GRIK1: variants seen among roughly 807,000 people sequenced by gnomAD.
GRIK1 encodes the protein glutamate ionotropic receptor kainate type subunit 1, also known as glutamate receptor ionotropic, kainate 1.
Under a neutral mutation model 105.7 loss-of-function variants are expected in GRIK1, and 69 were observed. The ratio of observed to expected loss-of-function variants is 0.65; its 90% CI spans 0.54 to 0.80. The LOEUF is 0.80. Among genes scored for constraint, GRIK1 ranks in the 30% least tolerant of loss-of-function variants. GRIK1 has a pLI of 0.00. For missense variants in GRIK1, 1,109 were observed against 1,167.3 expected (o/e 0.95, Z 0.73); for synonymous variants, 438 against 431.3 (o/e 1.02, Z -0.19).
At chr21:29,671,331 G>T (rs956773756) in intron 4 of GRIK1, among the ~76,000 whole-genome samples, 1 of 151,544 alleles carries the variant, frequency 6.6e-6, no homozygotes, top group Non-Finnish European at 1.5e-5. Context: ...CACCATGTTG[G>T]CCAGGCTGGT....
At chr21:29,723,181 T>G (rs1169381969) in intron 1 of GRIK1, among the ~76,000 whole-genome samples, 2 of 152,208 alleles carry the variant, frequency 1.3e-5, no homozygotes, top group Non-Finnish European at 2.9e-5. Context: ...CTAAAATTTA[T>G]AGTTTGGAAA....
At chr21:29,734,646 C>T (rs75205840) in intron 1 of GRIK1, among the ~76,000 whole-genome samples, 1 of 151,896 alleles carries the variant, frequency 6.6e-6, no homozygotes, top group Non-Finnish European at 1.5e-5. Context: ...AGATCCACCC[C>T]CCTGGGCCTC....
chr21:29,869,373 CT>C (rs1302715297), intron 1 of GRIK1, among the ~76,000 whole-genome samples: 1 of 152,204 alleles, frequency 6.6e-6, no homozygotes, highest in African/African-American at 2.4e-5. Flanking sequence ...GATCTCATTT[CT>C]CCCCTTTATT....
chr21:29,687,765 T>A (rs1287048811), intron 3 of GRIK1, among the ~76,000 whole-genome samples: 1 of 152,264 alleles, frequency 6.6e-6, no homozygotes, highest in East Asian at 1.9e-4. Context: ...AAGTTTTCTG[T>A]CATTTACTTA....
chr21:29,667,065 T>C lies in GRIK1; in HGVS notation c.726+5918A>G, dbSNP rs145710226. ...CATACGGTACGTGTTCAGTATAAAATGGCCCCTGAGGTCTTCGGCCTTTTC... is the reference window on the plus strand; with the variant it reads ...CATACGGTACGTGTTCAGTATAAAACGGCCCCTGAGGTCTTCGGCCTTTTC... On this transcript the variant is annotated intron_variant, in intron 4 of 17. Transcript: ENST00000327783. Among the ~76,000 whole-genome samples, 603 of 152,354 alleles carry C rather than the reference T, an allele frequency of 4.0e-3. 4 individuals are homozygous for C. Among genetic ancestry groups the C allele is most frequent in the Non-Finnish European group, 6.5e-3 (440 of 68,038 alleles).
chr21:29,800,283 G>A (rs2066668472), intron 1 of GRIK1, among the ~76,000 whole-genome samples: 1 of 152,140 alleles, frequency 6.6e-6, no homozygotes, highest in African/African-American at 2.4e-5. Flanking sequence ...ATGTGTCAGG[G>A]CTTATCTCTG....
intron 16 of GRIK1, chr21:29,553,189 G>T (rs2090165419): frequency 1.0e-6 from 1 of 984,046 alleles, no homozygotes; most frequent in Non-Finnish European, 1.2e-6. Context: ...ATGAAAAGAA[G>T]TCCATAGAAT....
chr21:29,689,631 T>C (rs2063547243), intron 3 of GRIK1, 97 bp downstream of exon 3: 3 of 1,036,276 alleles, frequency 2.9e-6, no homozygotes, highest in Non-Finnish European at 4.4e-6. Context: ...AAGAGCATTT[T>C]TATGCTCCAT....
chr21:29,671,609 C>A (rs1386410857), intron 4 of GRIK1, among the ~76,000 whole-genome samples: 1 of 152,080 alleles, frequency 6.6e-6, no homozygotes, highest in African/African-American at 2.4e-5. Flanking sequence ...ATTCAAAATT[C>A]CACAGTTCTG....
At chr21:29,743,860 G>C (rs945365048) in intron 1 of GRIK1, among the ~76,000 whole-genome samples, 1 of 152,158 alleles carries the variant, frequency 6.6e-6, no homozygotes, top group Non-Finnish European at 1.5e-5. Flanking sequence ...TTTGGCCAGT[G>C]TTAGAATTGG....
intron 7 of GRIK1, among the ~76,000 whole-genome samples, chr21:29,637,982 C>T (rs1185780698): frequency 6.6e-6 from 1 of 152,162 alleles, no homozygotes; most frequent in Non-Finnish European, 1.5e-5. Flanking sequence ...TTGCAAACAA[C>T]TGCTACTTTA....
chr21:29,542,256 G>A (rs890884205), intron 16 of GRIK1, among the ~76,000 whole-genome samples: 6 of 152,010 alleles, frequency 3.9e-5, no homozygotes, highest in Non-Finnish European at 7.4e-5. Flanking sequence ...TTCATATTCT[G>A]TCTTCTTTGC....
intron 7 of GRIK1, among the ~76,000 whole-genome samples, chr21:29,600,101 A>G (rs1290464200): frequency 6.6e-6 from 1 of 152,080 alleles, no homozygotes. Context: ...AAACAAAAAC[A>G]AAAAAACTCC....
intron 1 of GRIK1, among the ~76,000 whole-genome samples, chr21:29,787,230 T>C (rs1786386994): frequency 6.6e-6 from 1 of 152,240 alleles, no homozygotes; most frequent in African/African-American, 2.4e-5. Context: ...GGACTTAGTG[T>C]TAGAATGCCA....
chr21:29,621,769 A>G (rs186196340), intron 7 of GRIK1, among the ~76,000 whole-genome samples: 3 of 152,266 alleles, frequency 2.0e-5, no homozygotes, highest in Admixed American at 2.0e-4. Flanking sequence ...TAATTTCAGA[A>G]TCAGTAAAAT....
At chr21:29,623,130 A>G (rs542589116) in intron 7 of GRIK1, among the ~76,000 whole-genome samples, 2 of 152,324 alleles carry the variant, frequency 1.3e-5, no homozygotes, top group South Asian at 2.1e-4. Flanking sequence ...GCAGTTCCAC[A>G]TGGCTGGGGA....
chr21:29,558,558 T>C (rs1351825551), intron 15 of GRIK1, among the ~76,000 whole-genome samples: 2 of 151,956 alleles, frequency 1.3e-5, no homozygotes, highest in Non-Finnish European at 1.5e-5. Flanking sequence ...TTTAAAAGCA[T>C]GACAGGTTTA....
chr21:29,898,450 A>C (rs1334727325), intron 1 of GRIK1, among the ~76,000 whole-genome samples: 1 of 152,172 alleles, frequency 6.6e-6, no homozygotes, highest in Non-Finnish European at 1.5e-5. Context: ...GCCCTAATGC[A>C]TCCAGTAAGT....
At chr21:29,888,649 A>G (rs2069771428) in intron 1 of GRIK1, among the ~76,000 whole-genome samples, 3 of 152,100 alleles carry the variant, frequency 2.0e-5, no homozygotes, top group Admixed American at 6.6e-5. Context: ...AAATGCCACA[A>G]ATATTTCTAA....
Sources: allele counts gnomAD v4.1 joint callset (sites outside exome capture counted in the v4.1 genomes callset), GRCh38; gene constraint gnomAD v4.1.1; transcripts MANE v1.5; gene names NCBI Gene and HGNC (gene_info 2026-07-23, HGNC 2026-07-21).